CA10: variants seen among roughly 807,000 people sequenced by gnomAD.
CA10 encodes carbonic anhydrase 10 (inactive).
A neutral mutation model predicts 44.2 loss-of-function variants in CA10; 14 were observed. The observed-to-expected ratio is 0.32, with a 90% CI of 0.21 to 0.50. The LOEUF is 0.50. Ranked by LOEUF, CA10 falls within the 20% of genes least tolerant of loss-of-function variation. The pLI, the probability that CA10 is intolerant of heterozygous loss-of-function variation, is 0.99. For synonymous variants in CA10, 159 were observed against 141.6 expected, an observed-to-expected ratio of 1.12 and a Z score of -0.87; for missense variants, 350 against 409.7, an observed-to-expected ratio of 0.85 and a Z score of 1.26.
intron 2 of CA10, among the ~76,000 whole-genome samples, chr17:51,941,718 G>GA (rs1221176266): frequency 6.6e-6 from 1 of 152,024 alleles, no homozygotes; most frequent in Non-Finnish European, 1.5e-5. Context: ...TTAAATGCCA[G>GA]AAAAAAATAA....
intron 2 of CA10, among the ~76,000 whole-genome samples, chr17:51,968,141 A>G (rs1984149907): frequency 6.6e-6 from 1 of 151,858 alleles, no homozygotes; most frequent in Non-Finnish European, 1.5e-5. Flanking sequence ...ACTCTAGTAA[A>G]CAGTTTGATA....
intron 3 of CA10, among the ~76,000 whole-genome samples, chr17:51,876,936 T>G (rs931458030): frequency 2.0e-5 from 3 of 152,224 alleles, no homozygotes; most frequent in African/African-American, 7.2e-5. Context: ...GGGAGTCCCT[T>G]GATTTTAAAA....
In CA10 at chr17:51,919,231, T is replaced by C. The variant is rs576530880; in HGVS notation, c.279+11759A>G. Reference sequence around the variant, plus strand: ...TTTATAGGCAATAATATCCCTTTAATAGGATTCAAAGTGTCTGAGGTTTAC... The same window carrying C: ...TTTATAGGCAATAATATCCCTTTAACAGGATTCAAAGTGTCTGAGGTTTAC... On this transcript the variant is annotated intron_variant, in intron 3 of 8. Transcript: ENST00000451037. Among the ~76,000 whole-genome samples the C allele has an allele frequency of 4.6e-5, 7 of 152,326 alleles. No individual in the cohort carries two copies. In the East Asian group the frequency reaches 7.7e-4, roughly 17 times the overall value.
At chr17:51,694,058 G>C (rs1192667463) in intron 4 of CA10, among the ~76,000 whole-genome samples, 1 of 152,076 alleles carries the variant, frequency 6.6e-6, no homozygotes, top group African/African-American at 2.4e-5. Flanking sequence ...TACAAAATTA[G>C]CTAGGCGTGG....
At chr17:52,138,991 G>A (rs1989419616) in intron 1 of CA10, among the ~76,000 whole-genome samples, 1 of 152,208 alleles carries the variant, frequency 6.6e-6, no homozygotes, top group Non-Finnish European at 1.5e-5. Context: ...ATCATTTGGG[G>A]CACCATTTAG....
At chr17:51,862,525 GA>G (rs993499013) in intron 3 of CA10, among the ~76,000 whole-genome samples, 4 of 151,808 alleles carry the variant, frequency 2.6e-5, no homozygotes, top group Non-Finnish European at 1.5e-5. Context: ...ATATTTTTCA[GA>G]GGCTAAGTTG....
At chr17:51,988,917 C>T (rs1281418245) in intron 2 of CA10, among the ~76,000 whole-genome samples, 1 of 151,722 alleles carries the variant, frequency 6.6e-6, no homozygotes, top group African/African-American at 2.4e-5. Flanking sequence ...GCTATTTCAC[C>T]TTTTTTTGGA....
intron 1 of CA10, among the ~76,000 whole-genome samples, chr17:52,138,781 A>G (rs565163144): frequency 6.6e-6 from 1 of 152,222 alleles, no homozygotes; most frequent in Admixed American, 6.5e-5. Context: ...ACAATTTCCA[A>G]TTACTATTTT....
chr17:51,765,754 G>A (rs1905359410), intron 3 of CA10, among the ~76,000 whole-genome samples: 1 of 145,556 alleles, frequency 6.9e-6, no homozygotes, highest in African/African-American at 2.5e-5. Flanking sequence ...TGTTTAGGGG[G>A]GGTTGGGTAT....
At chr17:52,129,439 C>T (rs527324471) in intron 1 of CA10, among the ~76,000 whole-genome samples, 2 of 152,234 alleles carry the variant, frequency 1.3e-5, no homozygotes, top group South Asian at 4.2e-4. Context: ...AGGTAGATGC[C>T]ATTGCTATCC....
chr17:51,679,264 CTTTTT>C (rs374164339), intron 4 of CA10, among the ~76,000 whole-genome samples: 1 of 136,260 alleles, frequency 7.3e-6, no homozygotes, highest in African/African-American at 2.6e-5. Flanking sequence ...TTTTCTTTCT[CTTTTT>C]TTTTTTTTGG....
intron 2 of CA10, among the ~76,000 whole-genome samples, chr17:52,008,309 CTG>C (rs1484068014): frequency 6.6e-6 from 1 of 151,652 alleles, no homozygotes; most frequent in East Asian, 1.9e-4. Flanking sequence ...ATAGAGGAAA[CTG>C]AAAGTAAATT....
At chr17:52,048,644 C>G (rs887754292) in intron 2 of CA10, among the ~76,000 whole-genome samples, 6 of 151,912 alleles carry the variant, frequency 3.9e-5, no homozygotes, top group African/African-American at 4.8e-5. Flanking sequence ...TAGGAGCCCT[C>G]AGGGTGGGGT....
At chr17:51,710,894 T>C (rs1438229887) in intron 4 of CA10, among the ~76,000 whole-genome samples, 2 of 150,060 alleles carry the variant, frequency 1.3e-5, no homozygotes, top group African/African-American at 2.5e-5. Context: ...TTGTGTTAGA[T>C]TATGCCAAAG....
intron 6 of CA10, among the ~76,000 whole-genome samples, chr17:51,647,313 A>T (rs1913380542): frequency 6.6e-6 from 1 of 152,162 alleles, no homozygotes; most frequent in African/African-American, 2.4e-5. Flanking sequence ...TGAGACGAAG[A>T]GCTGATGAAG....
At chr17:51,639,602 AAC>A in intron 6 of CA10, among the ~76,000 whole-genome samples, 1 of 152,330 alleles carries the variant, frequency 6.6e-6, no homozygotes, top group South Asian at 2.1e-4. Context: ...TCCAAGATGC[AAC>A]AGTCATCAGA....
At chr17:52,156,471 C>G in intron 1 of CA10, among the ~76,000 whole-genome samples, 1 of 152,262 alleles carries the variant, frequency 6.6e-6, no homozygotes, top group South Asian at 2.1e-4. Context: ...AGAATGATTT[C>G]GGATAAGAGT....
chr17:52,116,802 T>A (rs1988907686), intron 1 of CA10, among the ~76,000 whole-genome samples: 1 of 152,182 alleles, frequency 6.6e-6, no homozygotes, highest in Non-Finnish European at 1.5e-5. Flanking sequence ...TCCCTCTCCC[T>A]GTGCACACCA....
intron 3 of CA10, among the ~76,000 whole-genome samples, chr17:51,909,096 A>C (rs1184082122): frequency 6.6e-6 from 1 of 152,198 alleles, no homozygotes; most frequent in East Asian, 1.9e-4. Flanking sequence ...GATATTTCAA[A>C]GCAGCCGTGC....
Sources: allele counts gnomAD v4.1 joint callset (sites outside exome capture counted in the v4.1 genomes callset), GRCh38; gene constraint gnomAD v4.1.1; transcripts MANE v1.5; gene names NCBI Gene and HGNC (gene_info 2026-07-23, HGNC 2026-07-21).